SORBS2: variants seen among roughly 807,000 people sequenced by gnomAD.
SORBS2 encodes sorbin and SH3 domain-containing protein 2.
A neutral mutation model predicts 97.7 loss-of-function variants in SORBS2; 46 were observed. The observed-to-expected ratio is 0.47, with a 90% CI of 0.37 to 0.60. The LOEUF (loss-of-function observed/expected upper bound fraction) is 0.60, where lower values mean the gene tolerates loss of function less well. Ranked by LOEUF, SORBS2 falls within the 20% of genes least tolerant of loss-of-function variation. The pLI, the probability that SORBS2 is intolerant of heterozygous loss-of-function variation, is 0.00. For synonymous variants in SORBS2, 476 were observed against 473.4 expected, an observed-to-expected ratio of 1.01 and a Z score of -0.07; for missense variants, 1,316 against 1,282.3, an observed-to-expected ratio of 1.03 and a Z score of -0.40.
intron 1 of SORBS2, among the ~76,000 whole-genome samples, chr4:185,782,888 C>T (rs983627121): frequency 2.0e-5 from 3 of 152,346 alleles, no homozygotes; most frequent in South Asian, 4.1e-4. Flanking sequence ...AACTTTTCTT[C>T]TACCACTTGG....
At chr4:185,635,591 G>A (rs2153439116) in intron 4 of SORBS2, among the ~76,000 whole-genome samples, 180 bp from the exon 16 acceptor site, 1 of 152,266 alleles carries the variant, frequency 6.6e-6, no homozygotes, top group Admixed American at 6.5e-5. Context: ...GAGGAAGTGT[G>A]CAACGTCTGC....
chr4:185,720,014 G>A (rs1236240089), intron 2 of SORBS2, among the ~76,000 whole-genome samples: 1 of 152,224 alleles, frequency 6.6e-6, no homozygotes, highest in Admixed American at 6.5e-5. Context: ...GGCCTTAAAG[G>A]CAAGAGGTGC....
chr4:185,709,861 C>G (rs1023169984), intron 2 of SORBS2: 1 of 59,876 alleles, frequency 1.7e-5, no homozygotes, highest in Non-Finnish European at 4.9e-5. Context: ...ATATGCATTG[C>G]CTTTTTTTTT....
chr4:185,820,454 G>A (rs1436773274), intron 1 of SORBS2, among the ~76,000 whole-genome samples: 1 of 152,172 alleles, frequency 6.6e-6, no homozygotes, highest in East Asian at 1.9e-4. Flanking sequence ...ATAGAATCTA[G>A]TGGGGACTTT....
exon 3 of SORBS2, chr4:185,649,480 A>G: frequency 1.3e-6 from 2 of 1,587,394 alleles, no homozygotes; most frequent in African/African-American, 1.4e-5. Flanking sequence ...TCTGTTGAAG[A>G]CCGATCTCTT....
At position 185,827,985 on chromosome 4, in the gene SORBS2, TCATCATCATCAC is replaced by T. The variant is rs1362243783; in HGVS notation, c.-337-52631_-337-52620del. Among the ~76,000 whole-genome samples, 13 of 39,504 alleles carry T rather than the reference TCATCATCATCAC, an allele frequency of 3.3e-4. 1 individual carries two copies. In the East Asian group the frequency reaches 4.3e-3, roughly 13 times the overall value. 25.9% of individuals were successfully genotyped at this position (39,504 alleles called of 152,430 possible). A position where few individuals can be genotyped will look rare whatever the true frequency, so the allele number is the denominator to read the frequency against. On this transcript the variant is annotated intron_variant, in intron 1 of 20. Coordinates refer to the SORBS2 transcript ENST00000284776. ...CATCATCATCATCTCATCACCATCATCATCATCATCACCATCATCATCATCGTCACCATCATC... is the reference window on the plus strand; with the variant it reads ...CATCATCATCATCTCATCACCATCATCATCATCATCATCGTCACCATCATC...
At chr4:185,789,477 T>C (rs980807021) in intron 1 of SORBS2, among the ~76,000 whole-genome samples, 4 of 151,128 alleles carry the variant, frequency 2.6e-5, no homozygotes, top group Non-Finnish European at 4.4e-5. Context: ...TTTATAAGTA[T>C]AATTAATATA....
chr4:185,698,173 G>T (rs559348335), intron 2 of SORBS2, among the ~76,000 whole-genome samples: 2 of 152,140 alleles, frequency 1.3e-5, no homozygotes, highest in African/African-American at 4.8e-5. Context: ...ATCTTAAAAC[G>T]TCATTTGAAA....
intron 1 of SORBS2, among the ~76,000 whole-genome samples, chr4:185,795,942 G>A (rs1238575400): frequency 3.3e-5 from 5 of 152,188 alleles, no homozygotes; most frequent in African/African-American, 1.2e-4. Context: ...GCTGAGAACT[G>A]TTGGTTCTGT....
chr4:185,728,708 C>T (rs1365404548), intron 2 of SORBS2, among the ~76,000 whole-genome samples: 2 of 152,222 alleles, frequency 1.3e-5, no homozygotes, highest in Admixed American at 6.5e-5. Context: ...AATTAAGATG[C>T]AATGCTATTT....
chr4:185,867,888 T>G (rs1174320047), intron 1 of SORBS2, among the ~76,000 whole-genome samples: 1 of 152,104 alleles, frequency 6.6e-6, no homozygotes, highest in African/African-American at 2.4e-5. Flanking sequence ...ATTACACAGC[T>G]AACCCTCAGG....
chr4:185,724,704 C>A (rs561734677), intron 2 of SORBS2, among the ~76,000 whole-genome samples: 1 of 152,310 alleles, frequency 6.6e-6, no homozygotes, highest in Admixed American at 6.5e-5. Flanking sequence ...CCACCTCTCT[C>A]AATTTGCCAG....
intron 2 of SORBS2, among the ~76,000 whole-genome samples, chr4:185,705,076 A>G (rs1417755071): frequency 1.3e-5 from 2 of 152,230 alleles, no homozygotes; most frequent in Admixed American, 6.5e-5. Context: ...ACATGTGCCC[A>G]TGCACAGGCA....
intron 1 of SORBS2, among the ~76,000 whole-genome samples, chr4:185,861,616 T>C (rs1011762866): frequency 2.8e-5 from 4 of 144,394 alleles, no homozygotes; most frequent in African/African-American, 1.1e-4. Flanking sequence ...TTTTTTTCTT[T>C]CTTTTTTTGA....
chr4:185,756,024 G>A (rs183953998), intron 2 of SORBS2, among the ~76,000 whole-genome samples: 2 of 152,280 alleles, frequency 1.3e-5, no homozygotes, highest in African/African-American at 4.8e-5. Context: ...TAAAATTGAG[G>A]TAACTTGATT....
chr4:185,884,034 G>A (rs1006898046), intron 1 of SORBS2, among the ~76,000 whole-genome samples: 1 of 152,160 alleles, frequency 6.6e-6, no homozygotes, highest in African/African-American at 2.4e-5. Context: ...ATCAGGAGGT[G>A]GGGGAGGAAG....
At chr4:185,870,339 C>G (rs1390327297) in intron 1 of SORBS2, among the ~76,000 whole-genome samples, 33 of 152,196 alleles carry the variant, frequency 2.2e-4, no homozygotes. Context: ...CCCAAGGGGT[C>G]GCACAGAAGA....
At chr4:185,869,532 G>C (rs1430839107) in intron 1 of SORBS2, among the ~76,000 whole-genome samples, 2 of 152,180 alleles carry the variant, frequency 1.3e-5, no homozygotes, top group Non-Finnish European at 2.9e-5. Flanking sequence ...GCACATTCTA[G>C]CAAGAAGCAG....
At chr4:185,646,822 T>C in intron 3 of SORBS2, 40 bp from the exon 13 acceptor site, 2 of 1,190,196 alleles carry the variant, frequency 1.7e-6, no homozygotes, top group Middle Eastern at 1.9e-4. Flanking sequence ...AATAATCCTT[T>C]TTGCTTAAAG....
Sources: allele counts gnomAD v4.1 joint callset (sites outside exome capture counted in the v4.1 genomes callset), GRCh38; gene constraint gnomAD v4.1.1; transcripts MANE v1.5; gene names NCBI Gene and HGNC (gene_info 2026-07-23, HGNC 2026-07-21).